CD99L2: variants seen among roughly 807,000 people sequenced by gnomAD.
The protein encoded by CD99L2 is CD99 molecule like 2, also known as CD99 antigen-like protein 2.
A neutral mutation model predicts 27.3 loss-of-function variants in CD99L2; 24 were observed. That is an observed-to-expected ratio of 0.88 (90% CI 0.64 to 1.24). The LOEUF (loss-of-function observed/expected upper bound fraction) is 1.24. Ranked by LOEUF, CD99L2 falls within the 50% of genes most tolerant of loss-of-function variation. CD99L2 has a pLI of 0.00. For missense variants in CD99L2, 255 were observed against 221.6 expected (o/e 1.15, Z -0.96); for synonymous variants, 97 against 87.9 (o/e 1.10, Z -0.58).
At chrX:150,893,897 G>A (rs2047561590) in intron 1 of CD99L2, among the ~76,000 whole-genome samples, 1 of 110,393 alleles carries the variant, frequency 9.1e-6, no homozygotes, top group Admixed American at 9.7e-5. Flanking sequence ...TGTATTTTTA[G>A]TAGAGACGGG....
chrX:150,775,132 C>G (rs2043528205), intron 9 of CD99L2, among the ~76,000 whole-genome samples: 1 of 112,487 alleles, frequency 8.9e-6, no homozygotes, highest in Non-Finnish European at 1.9e-5. Context: ...CGTAAAGCAT[C>G]TTGGGACCCA....
In CD99L2 at chrX:150,795,196, T is replaced by C. The variant is rs1242962766; in HGVS notation, c.430+10A>G. 3.3e-6 allele frequency: 4 copies of C among 1,208,148 alleles called. No homozygotes were observed. The highest frequency in any genetic ancestry group is 4.5e-6 in the Non-Finnish European group (4 of 893,885). On this transcript the variant is annotated intron_variant, in intron 6 of 10. Transcript: ENST00000370377. ...ATTAATGAGACAGAACCAGACCAGG[T>C]GGGACTCACCTCCTCCTCCAGCAAT... is the stretch of plus-strand genomic sequence containing the variant.
chrX:150,795,117 A>G (rs1360730140), intron 6 of CD99L2, 89 bp downstream of exon 6: 8 of 1,043,719 alleles, frequency 7.7e-6, no homozygotes, highest in Non-Finnish European at 1.1e-5. Context: ...AGTGGCTTGA[A>G]GTGCCTCCAG....
At chrX:150,814,719 T>C (rs1419342188) in intron 4 of CD99L2, 143 bp downstream of exon 4, 2 of 468,162 alleles carry the variant, frequency 4.3e-6, no homozygotes, top group Admixed American at 3.5e-5. Flanking sequence ...AAAAAAGGTT[T>C]GAGAACTACT....
rs782245993 is a variant in CD99L2 at position 150,793,720 on chromosome X, C to T, written c.467G>A (p.Gly156Asp). The change falls in exon 7 of 11, where the codon GGT becomes GAT. Residue 156 changes from glycine to aspartate, a missense_variant. Coordinates refer to ENST00000370377, the MANE Select transcript of CD99L2 (RefSeq NM_031462.4). Reference protein sequence around the residue: ...SDKDLEDIVGGGEYKPDKGKG... With the variant: ...SDKDLEDIVGDGEYKPDKGKG... ...ACCCTTGTCAGGTTTGTATTCTCCA[C>T]CCCCTACTATGTCTTCAAGATCCTT... 6 of 1,197,803 alleles carry T rather than the reference C, an allele frequency of 5.0e-6. No individual in the cohort carries two copies. Among genetic ancestry groups the T allele is most frequent in the East Asian group, 6.1e-5 (2 of 32,984 alleles).
chrX:150,870,539 C>A (rs1557422160), intron 1 of CD99L2, among the ~76,000 whole-genome samples: 1 of 111,931 alleles, frequency 8.9e-6, no homozygotes, highest in East Asian at 2.8e-4. Context: ...AATTTGTCAT[C>A]CTGCTCTGTG....
intron 4 of CD99L2, among the ~76,000 whole-genome samples, chrX:150,806,257 G>T (rs948722441): frequency 9.8e-5 from 11 of 111,999 alleles, no homozygotes; most frequent in Non-Finnish European, 1.7e-4. Flanking sequence ...GAGCATCAAG[G>T]TAATTTCGTG....
At chrX:150,887,508 C>T (rs930645135) in intron 1 of CD99L2, among the ~76,000 whole-genome samples, 4 of 109,201 alleles carry the variant, frequency 3.7e-5, no homozygotes, top group Non-Finnish European at 5.7e-5. Flanking sequence ...TAAAGCTCAA[C>T]CCCCAGGGAC....
intron 2 of CD99L2, 104 bp from the exon 3 acceptor site, chrX:150,816,182 C>T (rs2046152217): frequency 1.9e-5 from 15 of 792,508 alleles, no homozygotes; most frequent in African/African-American, 4.1e-5. Context: ...ATATCCTTGT[C>T]TTGGTCCTTG....
chrX:150,838,929 G>C (rs1427861290), intron 1 of CD99L2, among the ~76,000 whole-genome samples: 168 of 76,916 alleles, frequency 2.2e-3, no homozygotes, highest in Middle Eastern at 0.019. Context: ...GGGGGGGGGG[G>C]TGTAAATAGG....
At chrX:150,785,664 C>T (rs1557419541) in intron 7 of CD99L2, among the ~76,000 whole-genome samples, 1 of 111,459 alleles carries the variant, frequency 9.0e-6, no homozygotes, top group African/African-American at 3.3e-5. Context: ...CACACCTAAC[C>T]CCCGCAGCCA....
chrX:150,889,711 A>G (rs1265993477), intron 1 of CD99L2, among the ~76,000 whole-genome samples: 2 of 112,665 alleles, frequency 1.8e-5, no homozygotes, highest in Admixed American at 9.4e-5. Context: ...AGCAGTTTTC[A>G]AAGATATTTC....
chrX:150,824,707 G>GGAAGAGGAAGAA (rs782774913), intron 2 of CD99L2, among the ~76,000 whole-genome samples: 63 of 93,663 alleles, frequency 6.7e-4, no homozygotes, highest in African/African-American at 1.1e-3. Flanking sequence ...AAGAGGAAGA[G>GGAAGAGGAAGAA]GAAGAAGAAG....
chrX:150,898,640 C>A lies in CD99L2; in HGVS notation c.-52G>T. On this transcript the variant is annotated 5_prime_UTR_variant, in exon 1 of 11. Coordinates refer to ENST00000370377, the MANE Select transcript of CD99L2 (RefSeq NM_031462.4). ...AGGAGCACAGTTAGCGCGAGAGCGC[C>A]CGAAGGGGAGGCCGAGGAGGAGCGG... The A allele has an allele frequency of 1.9e-6, 2 of 1,038,049 alleles. No homozygotes were observed. The highest frequency in any genetic ancestry group is 2.5e-6 in the Non-Finnish European group (2 of 799,302). The allele number at this position is 1,038,049 out of a possible 1,213,427, so 85.5% of individuals were successfully genotyped here.
At chrX:150,817,993 CAA>C (rs1359356674) in intron 2 of CD99L2, among the ~76,000 whole-genome samples, 1 of 108,430 alleles carries the variant, frequency 9.2e-6, no homozygotes, top group Non-Finnish European at 1.9e-5. Flanking sequence ...TTAATGGAGT[CAA>C]AGAGTGACAA....
intron 4 of CD99L2, 146 bp from the exon 5 acceptor site, chrX:150,795,632 G>A (rs948773710): frequency 1.9e-5 from 10 of 538,751 alleles, no homozygotes; most frequent in South Asian, 6.4e-5. Context: ...ACTTTGAGAC[G>A]GATGACAAAG....
intron 7 of CD99L2, 128 bp downstream of exon 7, chrX:150,793,563 C>A (rs782569907): frequency 5.8e-6 from 3 of 513,939 alleles, no homozygotes; most frequent in South Asian, 8.4e-5. Context: ...TCCAAATGAA[C>A]CCCAACTGGC....
rs782417105 is a variant in CD99L2, at chrX:150,777,384, G to A, written c.535+60C>T. 5.9e-6 allele frequency: 7 copies of A among 1,180,136 alleles called. No individual in the cohort carries two copies. The African/African-American group carries it at 1.1e-4, about 18-fold the overall frequency. On this transcript the variant is annotated intron_variant, in intron 8 of 10. Coordinates refer to ENST00000370377, the MANE Select transcript of CD99L2 (RefSeq NM_031462.4). ...TTTCCCTTGGCTTAGTGATTTTGGG[G>A]TCCTGAGATTCATTTTCCTTTCACA...
At chrX:150,837,544 G>A (rs989897694) in intron 1 of CD99L2, among the ~76,000 whole-genome samples, 38 of 112,007 alleles carry the variant, frequency 3.4e-4, no homozygotes, top group Admixed American at 7.6e-4. Context: ...CACTGCACCC[G>A]GCCTGGAAGT....
Sources: gnomAD v4.1 joint callset for allele counts (sites outside exome capture counted in the v4.1 genomes callset) on GRCh38, gnomAD v4.1.1 for gene constraint, MANE v1.5 for transcripts, NCBI Gene and HGNC (gene_info 2026-07-23, HGNC 2026-07-21) for gene names.